The following ERBIN variants were observed in gnomAD, a reference collection of about 807,000 sequenced individuals.
The protein encoded by ERBIN is erbb2 interacting protein.
ERBIN carries 60 observed loss-of-function variants against 158.4 expected under a neutral mutation model. That is an observed-to-expected ratio of 0.38 (90% CI 0.31 to 0.47). The LOEUF is 0.47. Among genes scored for constraint, ERBIN ranks in the 20% least tolerant of loss-of-function variants. The probability of loss-of-function intolerance (pLI) is 0.99; values close to 1 mark genes in which losing one functional copy is unlikely to be tolerated. For missense variants in ERBIN, 1,610 were observed against 1,648.0 expected (o/e 0.98, Z 0.40); for synonymous variants, 594 against 557.2 (o/e 1.07, Z -0.93).
chr5:66,051,423 G>A (rs1031655174), intron 20 of ERBIN, among the ~76,000 whole-genome samples: 1 of 152,138 alleles, frequency 6.6e-6, no homozygotes, highest in African/African-American at 2.4e-5. Context: ...TGTATAGCCT[G>A]GAATTTAGCT....
At chr5:65,942,402 A>G (rs1410814036) in intron 1 of ERBIN, among the ~76,000 whole-genome samples, 2 of 152,246 alleles carry the variant, frequency 1.3e-5, no homozygotes, top group African/African-American at 4.8e-5. Flanking sequence ...AGAGAAAAAA[A>G]GAGTTTTGGG....
At position 66,053,503 on chromosome 5, in the gene ERBIN, A is replaced by G; in HGVS notation, c.2185A>G (p.Asn729Asp). 1 of 1,609,918 alleles carries G rather than the reference A, an allele frequency of 6.2e-7. No individual in the cohort carries two copies. The highest frequency in any genetic ancestry group is 8.5e-7 in the Non-Finnish European group (1 of 1,178,776). Residue 729 changes from asparagine to aspartate, a missense_variant, in exon 21 of 26, where the codon AAC (asparagine) becomes GAC (aspartate). Physicochemically the swap from Asn to Asp is conservative, Grantham distance 23. This residue lies in a region of ERBIN where 1,014 missense variants were observed against 936.1 expected (regional missense o/e 1.08). Transcript: ENST00000284037. ...KFKAHDKKDF[N>D]LPEYDLNVEE... is the part of the protein sequence containing the mutation. ...CAAAGCTCATGATAAAAAAGATTTT[A>G]ACTTACCTGAATATGATTTGAATGT...
chr5:66,081,083 C>A lies in ERBIN; in HGVS notation c.*2553C>A, dbSNP rs949904609. On this transcript the variant is annotated 3_prime_UTR_variant, in exon 26 of 26. Coordinates refer to ENST00000284037, the MANE Select transcript of ERBIN (RefSeq NM_001253697.2). ...AGTAAATTGTAGTTAAGGCCTATAC[C>A]CATAACTAACTTTAGTAAGTATTAT... 6.6e-6 allele frequency: 1 copy of A among 151,618 alleles called. No individual in the cohort carries two copies. The highest frequency in any genetic ancestry group is 1.5e-5 in the Non-Finnish European group (1 of 67,774). 9.4% of individuals were successfully genotyped at this position (151,618 alleles called of 1,614,324 possible).
At chr5:65,987,173 G>A (rs1039425915) in intron 1 of ERBIN, among the ~76,000 whole-genome samples, 1 of 152,060 alleles carries the variant, frequency 6.6e-6, no homozygotes, top group African/African-American at 2.4e-5. Flanking sequence ...CCCATTTCTT[G>A]TTTACCCCTC....
At chr5:66,042,370 A>G (rs916631620) in intron 15 of ERBIN, among the ~76,000 whole-genome samples, 1 of 152,022 alleles carries the variant, frequency 6.6e-6, no homozygotes, top group African/African-American at 2.4e-5. Flanking sequence ...TTTGCTTTTG[A>G]TATTACAGGT....
intron 21 of ERBIN, among the ~76,000 whole-genome samples, chr5:66,060,847 G>A (rs922428320): frequency 7.2e-5 from 11 of 152,118 alleles, no homozygotes; most frequent in Non-Finnish European, 1.3e-4. Context: ...GTAGTTGAGC[G>A]GTTTTGAGTG....
intron 1 of ERBIN, among the ~76,000 whole-genome samples, chr5:65,954,012 C>T (rs1352867765): frequency 2.0e-5 from 3 of 152,154 alleles, no homozygotes; most frequent in African/African-American, 7.2e-5. Context: ...TACTCCCCTA[C>T]ACTCTCTACT....
At chr5:66,018,432 G>T (rs1755030821) in intron 7 of ERBIN, among the ~76,000 whole-genome samples, 1 of 70,816 alleles carries the variant, frequency 1.4e-5, no homozygotes, top group Non-Finnish European at 3.0e-5. Context: ...AGAATAAATT[G>T]ATATATATAA....
At chr5:66,059,733 A>T (rs1760042061) in intron 21 of ERBIN, among the ~76,000 whole-genome samples, 1 of 152,108 alleles carries the variant, frequency 6.6e-6, no homozygotes, top group South Asian at 2.1e-4. Flanking sequence ...ATTTATTGAG[A>T]GTTTTTACCA....
chr5:66,028,609 C>A (rs1756522564), intron 14 of ERBIN, among the ~76,000 whole-genome samples: 1 of 152,108 alleles, frequency 6.6e-6, no homozygotes, highest in South Asian at 2.1e-4. Flanking sequence ...CAGACTCAAA[C>A]TCTGAATTTA....
At chr5:65,939,476 A>G (rs1267589604) in intron 1 of ERBIN, among the ~76,000 whole-genome samples, 2 of 151,938 alleles carry the variant, frequency 1.3e-5, no homozygotes, top group Non-Finnish European at 2.9e-5. Flanking sequence ...GATCCAGCCC[A>G]GCATCTTCAC....
Position 65,959,157 on chromosome 5 carries a change from A to G in ERBIN, c.-57-29478A>G, listed in dbSNP as rs112704352. Among the ~76,000 whole-genome samples the G allele has an allele frequency of 2.4e-4, 37 of 152,324 alleles. 2 individuals are homozygous for G. Among genetic ancestry groups the G allele is most frequent in the African/African-American group, 6.7e-4 (28 of 41,582 alleles). The stretch of plus-strand genomic sequence containing the variant: ...TAAGAATGCGATAATAGATGTGTCT[A>G]TATAATGCTAGCTAACACGTGGTGT... On this transcript the variant is annotated intron_variant, in intron 1 of 25. Transcript: ENST00000284037.
rs141058175 is a variant in ERBIN at position 65,992,840 on chromosome 5, T to C, written c.122T>C (p.Ile41Thr). Residue 41 changes from isoleucine (I) to threonine (T), a missense_variant, in exon 3 of 26, where the codon ATT (isoleucine) becomes ACT (threonine). By Grantham distance (89) the Ile-to-Thr change is moderately conservative (BLOSUM62 -1). Around this residue, in one of 2 missense-constraint regions of ERBIN, gnomAD observed 596 missense variants for 711.9 expected, o/e 0.84. Coordinates refer to ENST00000284037, the MANE Select transcript of ERBIN (RefSeq NM_001253697.2). ...HCSLEQVPKEIFTFEKTLEEL... is the reference protein window; with the variant it reads ...HCSLEQVPKETFTFEKTLEEL... Reference sequence around the variant, plus strand: ...AGCTTAGAACAAGTTCCGAAAGAGATTTTTACTTTTGAAAAAACCTTGGAG... The same window carrying C: ...AGCTTAGAACAAGTTCCGAAAGAGACTTTTACTTTTGAAAAAACCTTGGAG... 8.7e-5 allele frequency: 141 copies of C among 1,613,558 alleles called. No homozygotes were observed. The African/African-American group carries it at 1.7e-3, about 20-fold the overall frequency.
chr5:65,956,434 C>T (rs543950475), intron 1 of ERBIN, among the ~76,000 whole-genome samples: 10 of 139,236 alleles, frequency 7.2e-5, no homozygotes, highest in East Asian at 2.1e-4. Flanking sequence ...AGTGCAGTGG[C>T]GGTGTGATCT....
At chr5:65,971,876 G>A (rs1041202227) in intron 1 of ERBIN, among the ~76,000 whole-genome samples, 11 of 152,152 alleles carry the variant, frequency 7.2e-5, no homozygotes, top group Non-Finnish European at 1.5e-4. Context: ...ATCTAGGAGG[G>A]CAGTGTTACC....
intron 14 of ERBIN, among the ~76,000 whole-genome samples, chr5:66,034,696 A>G (rs1757219351): frequency 6.8e-6 from 1 of 146,826 alleles, no homozygotes; most frequent in Admixed American, 6.6e-5. Context: ...TAGTTGAAGT[A>G]TTATTAGTAT....
In ERBIN at chr5:65,976,833, G is replaced by A. The variant is rs1561320000; in HGVS notation, c.-57-11802G>A. Among the ~76,000 whole-genome samples, 4 of 150,872 alleles carry A rather than the reference G, an allele frequency of 2.7e-5. No homozygotes were observed. In the South Asian group the frequency reaches 6.4e-4, roughly 24 times the overall value. Reference sequence around the variant, plus strand: ...TGTTTCAGAGAGCACAGGGTTGGGGGTAAGGTCACAGATCAACAGGATCCC... The same window carrying A: ...TGTTTCAGAGAGCACAGGGTTGGGGATAAGGTCACAGATCAACAGGATCCC... On this transcript the variant is annotated intron_variant, in intron 1 of 25. Coordinates refer to ENST00000284037, the MANE Select transcript of ERBIN (RefSeq NM_001253697.2).
chr5:65,944,879 TA>T (rs1478444317), intron 1 of ERBIN, among the ~76,000 whole-genome samples: 5 of 152,224 alleles, frequency 3.3e-5, no homozygotes, highest in African/African-American at 1.2e-4. Context: ...CCCAGTCTGT[TA>T]CTAGATACAT....
rs757841017 is a variant in ERBIN, at chr5:66,075,219, G to A, written c.3952G>A (p.Ala1318Thr). 9 of 1,613,980 alleles carry A rather than the reference G, an allele frequency of 5.6e-6. 1 individual carries two copies. The South Asian group carries it at 8.8e-5, about 16-fold the overall frequency. The change falls in exon 23 of 26, where the codon GCA (alanine) becomes ACA (threonine). Residue 1318 changes from alanine to threonine, a missense_variant. Physicochemically the swap from Ala to Thr is moderately conservative, Grantham distance 58 (BLOSUM62 0). Transcript: ENST00000284037. ...TTCTCCTAGACAAGGCCATGAACTG[G>A]CAAAACAAGAGGTAAGAATAATCAA... ...HCSPRQGHELAKQEIRVRVEK... is the reference protein window; with the variant it reads ...HCSPRQGHELTKQEIRVRVEK...
Sources: gnomAD v4.1 joint callset for allele counts (sites outside exome capture counted in the v4.1 genomes callset) on GRCh38, gnomAD v4.1.1 for gene constraint, gnomAD v4.1.1 regional missense constraint, MANE v1.5 for transcripts, NCBI Gene and HGNC (gene_info 2026-07-23, HGNC 2026-07-21) for gene names.